The following ZFP62 variants were observed in gnomAD, a reference collection of about 807,000 sequenced individuals.
ZFP62 encodes the protein ZFP62 zinc finger protein.
A neutral mutation model predicts 56.4 loss-of-function variants in ZFP62; 44 were observed. The ratio of observed to expected loss-of-function variants is 0.78; its 90% CI spans 0.61 to 1.00. The LOEUF (loss-of-function observed/expected upper bound fraction) is 1.00. Among genes scored for constraint, ZFP62 ranks in the 50% least tolerant of loss-of-function variants. The pLI is 0.00. For missense variants in ZFP62, 1,030 were observed against 1,085.7 expected, an observed-to-expected ratio of 0.95 and a Z score of 0.72; for synonymous variants, 421 against 388.9, an observed-to-expected ratio of 1.08 and a Z score of -0.97.
chr5:180,834,194 C>A, the ZFP62 span: 1 of 152,140 alleles, frequency 6.6e-6, no homozygotes, highest in Non-Finnish European at 1.5e-5. Flanking sequence ...ATACCCGAGA[C>A]TGGGTAATTT....
At position 180,849,212 on chromosome 5, in the gene ZFP62, C is replaced by T; in HGVS notation, c.2283G>A (p.Arg761=). 6.4e-7 allele frequency: 1 copy of T among 1,560,190 alleles called. No individual in the cohort carries two copies. Among genetic ancestry groups the T allele is most frequent in the Non-Finnish European group, 8.7e-7 (1 of 1,152,232 alleles). Reference sequence around the variant, plus strand: ...AGCTGTTCCTGAAGGCCTTCCCACACCTATCACACACATAGGGTTTCTCCC... The same window carrying T: ...AGCTGTTCCTGAAGGCCTTCCCACATCTATCACACACATAGGGTTTCTCCC... ...HTGEKPYVCD[R]CGKAFRNSSG... The change falls in exon 2 of 2, where the codon AGG becomes AGA. Residue 761 remains arginine (R), a synonymous_variant. Transcript: ENST00000502412.
chr5:180,851,247 G>A lies in ZFP62; in HGVS notation c.248C>T (p.Thr83Ile), dbSNP rs963255266. ...CTCAGATGCCTCACCTTCCTGTTCT[G>A]TCTTTATATTTGCTGTACTCTTGGC... The part of the protein sequence containing the change: ...SKAKSTANIK[T>I]EQEGEASEKS... The change falls in exon 2 of 2, where the codon ACA becomes ATA. Residue 83 changes from threonine to isoleucine, a missense_variant. By Grantham distance (89) the Thr-to-Ile change is moderately conservative. Coordinates refer to ENST00000502412, the MANE Select transcript of ZFP62 (RefSeq NM_001172638.2). 1.3e-6 allele frequency: 2 copies of A among 1,551,482 alleles called. No individual in the cohort carries two copies. The highest frequency in any genetic ancestry group is 2.7e-5 in the African/African-American group (2 of 72,972).
At chr5:180,830,428 G>A in the ZFP62 span, 1 of 152,392 alleles carries the variant, frequency 6.6e-6, no homozygotes, top group African/African-American at 2.4e-5. Flanking sequence ...GGAAGAAAGG[G>A]GCACAAGAGG....
Position 180,849,276 on chromosome 5 carries a change from T to C in ZFP62, c.2219A>G (p.Tyr740Cys), listed in dbSNP as rs1347843633. 4 of 1,553,452 alleles carry C rather than the reference T, an allele frequency of 2.6e-6. No homozygotes were observed. The East Asian group carries it at 9.8e-5, about 38-fold the overall frequency. ...KCVECGKSFS[Y>C]SSLLSQHKRI... ...CTTGTGCTGAGAAAGGAGAGAGCTG[T>C]AACTGAAAGATTTCCCACACTCAAC... is the stretch of plus-strand genomic sequence containing the variant. Residue 740 changes from tyrosine to cysteine, a missense_variant, in exon 2 of 2, where the codon TAC becomes TGC. By Grantham distance (194) the Tyr-to-Cys change is radical. Transcript: ENST00000502412.
chr5:180,850,645 C>T lies in ZFP62; in HGVS notation c.850G>A (p.Asp284Asn), dbSNP rs755180839. ...IHTGEKPYEC[D>N]ICGKTFSNSS... ...TTACTGAAGGTTTTCCCACAGATGT[C>T]GCATTCATAGGGCTTCTCCCCCGTG... The change falls in exon 2 of 2, where the codon GAC becomes AAC. Residue 284 changes from aspartate to asparagine, a missense_variant. Coordinates refer to ENST00000502412, the MANE Select transcript of ZFP62 (RefSeq NM_001172638.2). The T allele has an allele frequency of 1.5e-5, 23 of 1,581,364 alleles. No homozygotes were observed. The highest frequency in any genetic ancestry group is 4.7e-5 in the East Asian group (2 of 43,010).
chr5:180,835,482 T>C, the ZFP62 span: 1 of 152,180 alleles, frequency 6.6e-6, no homozygotes, highest in Non-Finnish European at 1.5e-5. Context: ...TTGCAGATGG[T>C]ATATTGTGAC....
In ZFP62 at chr5:180,859,103, T is replaced by C. The variant is rs545416493; in HGVS notation, c.1+2116A>G. On this transcript the variant is annotated intron_variant, in intron 1 of 1. Transcript: ENST00000502412. ...GCCACTTTTCAAGAGCCGAGACAAC[T>C]CGTTAGAGAGGAGCCGTGGCCTGCT... Among the ~76,000 whole-genome samples, 14 of 152,194 alleles carry C rather than the reference T, an allele frequency of 9.2e-5. No individual in the cohort carries two copies. In the South Asian group the frequency reaches 2.9e-3, roughly 32 times the overall value.
chr5:180,845,822 C>A (rs139289985), downstream of ZFP62: 2,704 of 985,414 alleles, frequency 2.7e-3, 53 homozygotes, highest in African/African-American at 0.044. Context: ...GAGGAAAATT[C>A]CCCTGCATTG....
chr5:180,836,186 C>T, the ZFP62 span, among the ~76,000 whole-genome samples: 2 of 152,232 alleles, frequency 1.3e-5, no homozygotes, highest in Non-Finnish European at 2.9e-5. Context: ...CCTAACGATG[C>T]ATTTCTCACA....
chr5:180,840,724 C>CGG, the ZFP62 span, among the ~76,000 whole-genome samples: 1 of 151,706 alleles, frequency 6.6e-6, no homozygotes, highest in Non-Finnish European at 1.5e-5. Flanking sequence ...CCACTGCACT[C>CGG]TATCTAGCCT....
chr5:180,856,507 G>C (rs997353962), intron 1 of ZFP62, among the ~76,000 whole-genome samples: 2 of 152,138 alleles, frequency 1.3e-5, no homozygotes, highest in Non-Finnish European at 2.9e-5. Context: ...GAGGCTAAGT[G>C]TTGCCCAAGG....
At chr5:180,845,332 A>T, downstream of ZFP62, among the ~76,000 whole-genome samples, 1 of 27,864 alleles carries the variant, frequency 3.6e-5, no homozygotes, top group East Asian at 3.4e-4. Context: ...GTCTTAAAAA[A>T]AAAAAAAAAA....
chr5:180,829,500 T>G, the ZFP62 span, among the ~76,000 whole-genome samples: 2 of 152,224 alleles, frequency 1.3e-5, no homozygotes, highest in South Asian at 2.1e-4. Flanking sequence ...GCTGTAAAAT[T>G]CCGCTCTTTG....
At chr5:180,861,164 G>A (rs1756059527) in intron 1 of ZFP62, 55 bp downstream of exon 1, 1 of 398,680 alleles carries the variant, frequency 2.5e-6, no homozygotes, top group East Asian at 3.6e-5. Flanking sequence ...AAAAGGGGAG[G>A]GCGTGGCAGG....
the ZFP62 span, chr5:180,835,753 A>G: frequency 2.0e-5 from 3 of 152,262 alleles, no homozygotes; most frequent in African/African-American, 7.2e-5. Context: ...CCGATCATTT[A>G]TGTGACAGTT....
chr5:180,831,218 G>T, the ZFP62 span: 1 of 154,276 alleles, frequency 6.5e-6, no homozygotes, highest in South Asian at 1.8e-4. Context: ...GACCTTTGCG[G>T]GGAGGCCTCA....
chr5:180,839,055 G>A, the ZFP62 span, among the ~76,000 whole-genome samples: 42 of 152,338 alleles, frequency 2.8e-4, no homozygotes, highest in African/African-American at 1.0e-3. Context: ...ACTATACAAT[G>A]AGTGTACTAG....
Position 180,849,953 on chromosome 5 carries a change from G to A in ZFP62, c.1542C>T (p.Phe514=), listed in dbSNP as rs1773602051. ...GCTGTTCAAGGGCAGAGCTGTAGTT[G>A]AAGGATTTCTCACAATAGCTACATT... The part of the protein sequence containing the change: ...PYKCSYCEKS[F]NYSSALEQHK... Residue 514 remains phenylalanine, a synonymous_variant, in exon 2 of 2, where the codon TTC becomes TTT. Transcript: ENST00000502412. 3 of 1,551,338 alleles carry A rather than the reference G, an allele frequency of 1.9e-6. No homozygotes were observed. The highest frequency in any genetic ancestry group is 2.6e-6 in the Non-Finnish European group (3 of 1,146,914).
chr5:180,829,722 A>C, the ZFP62 span, among the ~76,000 whole-genome samples: 173 of 152,318 alleles, frequency 1.1e-3, no homozygotes, highest in Admixed American at 1.9e-3. Flanking sequence ...GTGGAAAGAG[A>C]AGCTCATCAG....
Sources: gnomAD v4.1 joint callset for allele counts (sites outside exome capture counted in the v4.1 genomes callset) on GRCh38, gnomAD v4.1.1 for gene constraint, MANE v1.5 for transcripts, NCBI Gene and HGNC (gene_info 2026-07-23, HGNC 2026-07-21) for gene names.